MRTFB: variants seen among roughly 807,000 people sequenced by gnomAD.
MRTFB encodes the protein myocardin related transcription factor B.
In MRTFB, 29 loss-of-function variants were observed where a neutral mutation model predicts 104.2. That is an observed-to-expected ratio of 0.28 (90% CI 0.21 to 0.38). MRTFB has a LOEUF of 0.38. Among genes scored for constraint, MRTFB ranks in the 10% least tolerant of loss-of-function variants. The pLI, the probability that MRTFB is intolerant of heterozygous loss-of-function variation, is 1.00. For missense variants in MRTFB, 1,270 were observed against 1,341.6 expected, an observed-to-expected ratio of 0.95 and a Z score of 0.83; for synonymous variants, 535 against 519.5, an observed-to-expected ratio of 1.03 and a Z score of -0.41.
intron 2 of MRTFB, among the ~76,000 whole-genome samples, chr16:14,085,361 G>A (rs2034635881): frequency 6.6e-6 from 1 of 150,422 alleles, no homozygotes; most frequent in Admixed American, 6.6e-5. Flanking sequence ...GGAGGCTGAG[G>A]CAGGAGAATC....
intron 3 of MRTFB, among the ~76,000 whole-genome samples, chr16:14,208,743 C>T (rs1456332624): frequency 6.6e-6 from 1 of 152,144 alleles, no homozygotes; most frequent in African/African-American, 2.4e-5. Flanking sequence ...TTATTTTGTT[C>T]TTAGTAAAGT....
rs1567211701 is a variant in MRTFB at position 14,245,518 on chromosome 16, T to C, written c.1080-10T>C. On this transcript the variant is annotated splice_polypyrimidine_tract_variant and intron_variant, in intron 10 of 16. Coordinates refer to ENST00000571589, the MANE Select transcript of MRTFB (RefSeq NM_001308142.2). Reference sequence around the variant, plus strand: ...TTATTATAAACTCTAATTTTTGTTTTCTTTTGAAGGCCACTCAATGACAAA... The same window carrying C: ...TTATTATAAACTCTAATTTTTGTTTCCTTTTGAAGGCCACTCAATGACAAA... The C allele has an allele frequency of 6.3e-7, 1 of 1,594,230 alleles. No individual in the cohort carries two copies. The highest frequency in any genetic ancestry group is 8.5e-7 in the Non-Finnish European group (1 of 1,174,924).
At chr16:14,218,206 C>A (rs1185404217) in intron 7 of MRTFB, among the ~76,000 whole-genome samples, 1 of 152,180 alleles carries the variant, frequency 6.6e-6, no homozygotes, top group East Asian at 1.9e-4. Context: ...ACTACAGGCA[C>A]CCGCCACATG....
chr16:14,129,652 C>T (rs1209774815), intron 2 of MRTFB, among the ~76,000 whole-genome samples: 1 of 152,188 alleles, frequency 6.6e-6, no homozygotes, highest in Non-Finnish European at 1.5e-5. Flanking sequence ...TTTACATTCT[C>T]ACCAGTGCTG....
intron 15 of MRTFB, 140 bp from the exon 16 acceptor site, chr16:14,257,961 T>C: frequency 2.8e-6 from 2 of 703,514 alleles, no homozygotes; most frequent in Non-Finnish European, 4.8e-6. Flanking sequence ...TGGCTTAACT[T>C]CTCAGGTGAC....
intron 3 of MRTFB, among the ~76,000 whole-genome samples, chr16:14,180,810 G>A (rs77653099): frequency 1.3e-5 from 2 of 152,278 alleles, no homozygotes; most frequent in East Asian, 3.9e-4. Context: ...GGGGAGGGAG[G>A]TGCTGAATGT....
At chr16:14,112,874 T>C (rs902681844) in intron 2 of MRTFB, among the ~76,000 whole-genome samples, 9 of 152,302 alleles carry the variant, frequency 5.9e-5, no homozygotes, top group African/African-American at 2.2e-4. Flanking sequence ...ACACCCTATC[T>C]GAAATGGCAC....
At position 14,262,738 on chromosome 16, in the gene MRTFB, A is replaced by C. The variant is rs1372121964; in HGVS notation, c.*1294A>C. On this transcript the variant is annotated 3_prime_UTR_variant, in exon 17 of 17. Transcript: ENST00000571589. ...TTCTTAAGAATTTTCTAAAATGCCA[A>C]CTATCACAGGATTATTTCAAGCTAG... 1 of 152,280 alleles carries C rather than the reference A, an allele frequency of 6.6e-6. No individual in the cohort carries two copies. Among genetic ancestry groups the C allele is most frequent in the Non-Finnish European group, 1.5e-5 (1 of 68,048 alleles). The allele number at this position is 152,280 out of a possible 1,614,324, so 9.4% of individuals were successfully genotyped here.
chr16:14,188,487 A>G (rs1305347334), intron 3 of MRTFB, among the ~76,000 whole-genome samples: 4 of 152,352 alleles, frequency 2.6e-5, no homozygotes, highest in Middle Eastern at 3.4e-3. Flanking sequence ...TTAAAAATAT[A>G]AAAACAGAGT....
intron 6 of MRTFB, among the ~76,000 whole-genome samples, 161 bp downstream of exon 6, chr16:14,213,781 G>A (rs1207242144): frequency 6.6e-6 from 1 of 152,128 alleles, no homozygotes; most frequent in Non-Finnish European, 1.5e-5. Context: ...AAACATGTTA[G>A]ATACACAGGG....
At position 14,247,186 on chromosome 16, in the gene MRTFB, C is replaced by G. The variant is rs750324366; in HGVS notation, c.1926C>G (p.Ala642=). The change falls in exon 12 of 17, where the codon GCC becomes GCG. Residue 642 remains alanine, a synonymous_variant. Coordinates refer to ENST00000571589, the MANE Select transcript of MRTFB (RefSeq NM_001308142.2). ...TTGGCTCCTCCATCAAAGATGAGGC[C>G]TCACTCCCTGACTGCTCCAGCTCCA... The part of the protein sequence containing the change: ...GSLGSSIKDE[A]SLPDCSSSRQ... The G allele has an allele frequency of 7.4e-6, 12 of 1,614,020 alleles. No homozygotes were observed. The South Asian group carries it at 1.2e-4, about 16-fold the overall frequency.
At chr16:14,084,099 T>C (rs974423262) in intron 2 of MRTFB, among the ~76,000 whole-genome samples, 1 of 152,224 alleles carries the variant, frequency 6.6e-6, no homozygotes, top group African/African-American at 2.4e-5. Flanking sequence ...TGTTGAGTTC[T>C]TTGTTTTTCA....
intron 3 of MRTFB, among the ~76,000 whole-genome samples, chr16:14,146,578 A>G (rs1385739396): frequency 6.6e-6 from 1 of 152,258 alleles, no homozygotes; most frequent in Non-Finnish European, 1.5e-5. Flanking sequence ...TGGTTTCAAT[A>G]CATGTATTAA....
At chr16:14,068,120 C>T (rs2033541404), upstream of MRTFB, among the ~76,000 whole-genome samples, 2 of 152,178 alleles carry the variant, frequency 1.3e-5, no homozygotes, top group African/African-American at 4.8e-5. Flanking sequence ...GCATGAGCCA[C>T]CACAGCTGGC....
At chr16:14,030,634 T>TG in the MRTFB span, among the ~76,000 whole-genome samples, 2 of 152,190 alleles carry the variant, frequency 1.3e-5, no homozygotes, top group Non-Finnish European at 2.9e-5. Flanking sequence ...CCAACTGCCT[T>TG]TCAAGGCAGG....
the MRTFB span, among the ~76,000 whole-genome samples, chr16:14,004,183 A>G: frequency 6.6e-6 from 1 of 152,188 alleles, no homozygotes; most frequent in Admixed American, 6.5e-5. Flanking sequence ...TAGGACCTTC[A>G]TCCAGTGGAT....
rs1342424638 is a variant in MRTFB, at chr16:14,177,354, C to G, written c.155-32889C>G. 6.6e-6 allele frequency among the ~76,000 whole-genome samples: 1 copy of G among 152,158 alleles called. No individual in the cohort carries two copies. The highest frequency in any genetic ancestry group is 6.5e-5 in the Admixed American group (1 of 15,280). On this transcript the variant is annotated intron_variant, in intron 3 of 16. Transcript: ENST00000571589. This position sits in a 1 kb window ranked among gnomAD's most constrained non-coding sequence, Gnocchi z 4.7. ...GGGACTGCAGAGATGAATAAAATAGCATGGCATGGTTTTTAAGTGCATTGT... is the reference window on the plus strand; with the variant it reads ...GGGACTGCAGAGATGAATAAAATAGGATGGCATGGTTTTTAAGTGCATTGT...
At chr16:14,145,872 A>G (rs575810189) in intron 3 of MRTFB, among the ~76,000 whole-genome samples, 52 of 152,364 alleles carry the variant, frequency 3.4e-4, no homozygotes, top group Admixed American at 9.8e-4. Context: ...AAGCTCAGCA[A>G]GGAAAGACAA....
At chr16:14,119,393 TA>T (rs761621582) in intron 2 of MRTFB, among the ~76,000 whole-genome samples, 44 of 152,234 alleles carry the variant, frequency 2.9e-4, no homozygotes, top group South Asian at 2.1e-4. Flanking sequence ...TATAGTTTCT[TA>T]TGTATAGAGA....
Sources: allele counts gnomAD v4.1 joint callset (sites outside exome capture counted in the v4.1 genomes callset), GRCh38; gene constraint gnomAD v4.1.1; non-coding constraint Gnocchi (gnomAD v3.1); transcripts MANE v1.5; gene names NCBI Gene and HGNC (gene_info 2026-07-23, HGNC 2026-07-21).